The following FGF14 variants were observed in gnomAD, a reference collection of about 807,000 sequenced individuals.
FGF14 encodes the protein fibroblast growth factor homologous factor 4.
In FGF14, 5 loss-of-function variants were observed where a neutral mutation model predicts 25.5. That is an observed-to-expected ratio of 0.20 (90% confidence interval 0.10 to 0.41). The LOEUF (loss-of-function observed/expected upper bound fraction) is 0.41. FGF14 is among the 10% of genes least tolerant of loss of function. FGF14 has a pLI of 1.00. For synonymous variants in FGF14, 138 were observed against 118.3 expected (o/e 1.17, Z -1.08); for missense variants, 222 against 320.1 (o/e 0.69, Z 2.34).
intron 1 of FGF14, among the ~76,000 whole-genome samples, chr13:102,180,322 C>CT (rs1471617801): frequency 1.3e-5 from 2 of 151,758 alleles, no homozygotes; most frequent in African/African-American, 2.4e-5. Context: ...TTACTTTTTA[C>CT]TTTTTTTTGA....
rs758063334 is a variant in FGF14 at position 101,715,890 on chromosome 13, C to T, written c.*6941G>A. 90 of 415,492 alleles carry T rather than the reference C, an allele frequency of 2.2e-4. No homozygotes were observed. Among genetic ancestry groups the T allele is most frequent in the Non-Finnish European group, 3.0e-4 (69 of 227,574 alleles). The allele number at this position is 415,492 out of a possible 1,614,324, so 25.7% of individuals were successfully genotyped here. A position where few individuals can be genotyped will look rare whatever the true frequency, so the allele number is the denominator to read the frequency against. The stretch of plus-strand genomic sequence containing the variant: ...CATAATTAACATAAGTGGTTCCTAA[C>T]GAGAGCAATTTTTCCACCCAAAAGT... On this transcript the variant is annotated 3_prime_UTR_variant, in exon 5 of 5. Transcript: ENST00000376143.
chr13:102,341,352 C>A (rs2056946303), intron 1 of FGF14, among the ~76,000 whole-genome samples: 1 of 152,146 alleles, frequency 6.6e-6, no homozygotes, highest in Non-Finnish European at 1.5e-5. Flanking sequence ...CTGCTTCATT[C>A]CAAATAACAG....
chr13:102,360,909 T>C (rs2057546727), intron 1 of FGF14, among the ~76,000 whole-genome samples: 1 of 151,322 alleles, frequency 6.6e-6, no homozygotes, highest in Admixed American at 6.6e-5. Flanking sequence ...GAGCCACAAA[T>C]TGCAAAGCAA....
At chr13:101,740,042 C>T (rs1331077308) in intron 3 of FGF14, among the ~76,000 whole-genome samples, 2 of 152,198 alleles carry the variant, frequency 1.3e-5, no homozygotes, top group African/African-American at 4.8e-5. Flanking sequence ...ACTACCAGGG[C>T]ATGAAACCCC....
intron 1 of FGF14, among the ~76,000 whole-genome samples, chr13:101,937,543 C>T (rs550999517): frequency 1.3e-5 from 2 of 152,262 alleles, no homozygotes; most frequent in African/African-American, 2.4e-5. Flanking sequence ...ACACCTTGAC[C>T]GTGGACTGCT....
intron 3 of FGF14, among the ~76,000 whole-genome samples, chr13:101,864,600 G>A (rs1036373025): frequency 1.3e-5 from 2 of 152,012 alleles, no homozygotes; most frequent in African/African-American, 4.8e-5. Context: ...CCTAATATTT[G>A]CAAAACATGG....
chr13:102,028,354 C>A (rs1241632902), intron 1 of FGF14, among the ~76,000 whole-genome samples: 1 of 152,044 alleles, frequency 6.6e-6, no homozygotes, highest in Non-Finnish European at 1.5e-5. Flanking sequence ...CCCAGGGGAG[C>A]TGATTTGCCT....
intron 1 of FGF14, among the ~76,000 whole-genome samples, chr13:102,261,692 C>T (rs1051087148): frequency 2.6e-5 from 4 of 152,156 alleles, no homozygotes; most frequent in Non-Finnish European, 5.9e-5. Context: ...AATATGTAAG[C>T]ACATTCCTAG....
At chr13:101,741,157 G>GA (rs1566841459) in intron 3 of FGF14, among the ~76,000 whole-genome samples, 1 of 152,168 alleles carries the variant, frequency 6.6e-6, no homozygotes, top group Admixed American at 6.5e-5. Context: ...CCAACATGGT[G>GA]AAACCCTGTC....
intron 1 of FGF14, among the ~76,000 whole-genome samples, chr13:102,265,836 G>T (rs1006412120): frequency 6.6e-6 from 1 of 151,924 alleles, no homozygotes; most frequent in African/African-American, 2.4e-5. Flanking sequence ...TTTTTAAATT[G>T]ATGCAAATGC....
intron 3 of FGF14, among the ~76,000 whole-genome samples, chr13:101,778,532 G>A (rs2039283362): frequency 6.6e-6 from 1 of 152,146 alleles, no homozygotes; most frequent in Non-Finnish European, 1.5e-5. Context: ...TGTACAGTGT[G>A]CTCCTTGGTA....
intron 3 of FGF14, among the ~76,000 whole-genome samples, chr13:101,853,410 A>G (rs2043958314): frequency 2.0e-5 from 3 of 152,120 alleles, no homozygotes; most frequent in Non-Finnish European, 4.4e-5. Flanking sequence ...TATCTGATAA[A>G]TCTGCACAAA....
chr13:101,924,195 A>C (rs1025317860), intron 1 of FGF14, among the ~76,000 whole-genome samples: 2 of 152,144 alleles, frequency 1.3e-5, no homozygotes, highest in African/African-American at 4.8e-5. Context: ...CTCAATGCAA[A>C]GAGAGTCCCT....
chr13:102,000,719 C>A (rs2039447615), intron 1 of FGF14, among the ~76,000 whole-genome samples: 1 of 152,218 alleles, frequency 6.6e-6, no homozygotes, highest in South Asian at 2.1e-4. Flanking sequence ...CTCCCATTAT[C>A]ACTGTGTTCC....
chr13:102,391,275 G>A (rs1347145779), intron 1 of FGF14, among the ~76,000 whole-genome samples: 5 of 152,138 alleles, frequency 3.3e-5, no homozygotes, highest in African/African-American at 4.8e-5. Context: ...ACAACAAAGG[G>A]CAAGCGGTCT....
chr13:101,919,446 GAA>G (rs950735082), upstream of FGF14, among the ~76,000 whole-genome samples: 3 of 151,736 alleles, frequency 2.0e-5, no homozygotes, highest in African/African-American at 7.3e-5. Context: ...ATATTAATTT[GAA>G]AAGAGTGACA....
chr13:102,237,217 G>A (rs775804334), intron 1 of FGF14, among the ~76,000 whole-genome samples: 8 of 152,116 alleles, frequency 5.3e-5, no homozygotes, highest in Non-Finnish European at 7.3e-5. Context: ...CACATTTGCC[G>A]ACATTCAAAA....
At chr13:101,890,873 T>C (rs1231296751) in intron 1 of FGF14, among the ~76,000 whole-genome samples, 1 of 151,964 alleles carries the variant, frequency 6.6e-6, no homozygotes, top group East Asian at 1.9e-4. Context: ...TGGAGCCAGT[T>C]ACCCTCTCAC....
chr13:102,082,791 A>G (rs1207861202), intron 1 of FGF14, among the ~76,000 whole-genome samples: 1 of 114,086 alleles, frequency 8.8e-6, no homozygotes, highest in Non-Finnish European at 1.6e-5. Flanking sequence ...CGTCTCTACT[A>G]AAAATACAAA....
Sources: gnomAD v4.1 joint callset for allele counts (sites outside exome capture counted in the v4.1 genomes callset) on GRCh38, gnomAD v4.1.1 for gene constraint, MANE v1.5 for transcripts, NCBI Gene and HGNC (gene_info 2026-07-23, HGNC 2026-07-21) for gene names.